The following SNX29 variants were observed in gnomAD, a reference collection of about 807,000 sequenced individuals.
SNX29 encodes sorting nexin 29.
Under a neutral mutation model 102.1 loss-of-function variants are expected in SNX29, and 78 were observed. The ratio of observed to expected loss-of-function variants is 0.76; its 90% CI spans 0.64 to 0.92. SNX29 has a LOEUF of 0.92. SNX29 is among the 40% of genes least tolerant of loss of function. The pLI is 0.00. For missense variants in SNX29, 1,280 were observed against 1,061.7 expected, an observed-to-expected ratio of 1.21 and a Z score of -2.86; for synonymous variants, 580 against 414.5, an observed-to-expected ratio of 1.40 and a Z score of -4.85.
At chr16:12,239,095 A>C (rs1433725030) in intron 14 of SNX29, among the ~76,000 whole-genome samples, 2 of 152,190 alleles carry the variant, frequency 1.3e-5, no homozygotes, top group East Asian at 3.9e-4. Context: ...CTTTGATGGA[A>C]GGGGCGTGTG....
rs2050310499 is a variant in SNX29, at chr16:12,051,701, T to G, written c.749-146T>G. Reference sequence around the variant, plus strand: ...CAATCTTCTGTACACAGATTTTCACTGAGGATTTTAAAAAGTCTGAATTCA... The same window carrying G: ...CAATCTTCTGTACACAGATTTTCACGGAGGATTTTAAAAAGTCTGAATTCA... On this transcript the variant is annotated intron_variant, in intron 7 of 20. Transcript: ENST00000566228. 2.5e-6 allele frequency: 3 copies of G among 1,221,944 alleles called. No individual in the cohort carries two copies. In the South Asian group the frequency reaches 4.9e-5, roughly 20 times the overall value. 75.7% of individuals were successfully genotyped at this position (1,221,944 alleles called of 1,614,324 possible).
At chr16:12,459,762 G>C (rs2086698774) in intron 18 of SNX29, among the ~76,000 whole-genome samples, 2 of 152,156 alleles carry the variant, frequency 1.3e-5, no homozygotes, top group Admixed American at 1.3e-4. Context: ...TCTGGTCACT[G>C]GTCCTGCCCC....
chr16:12,117,864 G>A (rs1309387121), intron 11 of SNX29, among the ~76,000 whole-genome samples: 1 of 152,138 alleles, frequency 6.6e-6, no homozygotes, highest in East Asian at 1.9e-4. Context: ...GAGAGGCTGA[G>A]GCGGGCGGAT....
At chr16:12,027,277 T>C in intron 3 of SNX29, 43 bp from the exon 4 acceptor site, 1 of 1,609,464 alleles carries the variant, frequency 6.2e-7, no homozygotes. Context: ...TAGTTGCTAC[T>C]CCCTTTTCTG....
chr16:12,330,256 C>A (rs1439781322), intron 15 of SNX29, among the ~76,000 whole-genome samples: 2 of 152,148 alleles, frequency 1.3e-5, no homozygotes, highest in African/African-American at 4.8e-5. Context: ...GTGCCTGTTT[C>A]CTCACCTGGC....
intron 18 of SNX29, among the ~76,000 whole-genome samples, chr16:12,410,198 G>A (rs889924398): frequency 6.6e-6 from 1 of 152,152 alleles, no homozygotes; most frequent in Non-Finnish European, 1.5e-5. Context: ...GTTTCGCTGT[G>A]TTAGCCAGGG....
intron 13 of SNX29, among the ~76,000 whole-genome samples, chr16:12,192,028 C>T (rs951114258): frequency 2.0e-5 from 3 of 152,168 alleles, no homozygotes; most frequent in African/African-American, 7.2e-5. Flanking sequence ...TGTTTTGATG[C>T]CTGAGAATTA....
chr16:12,513,132 G>A (rs2089706993), intron 19 of SNX29, among the ~76,000 whole-genome samples: 1 of 149,838 alleles, frequency 6.7e-6, no homozygotes, highest in African/African-American at 2.5e-5. Context: ...CTCTGACCCT[G>A]CCCTCCCTCA....
chr16:11,995,646 TAAA>T (rs533184003), intron 1 of SNX29, among the ~76,000 whole-genome samples: 2 of 125,166 alleles, frequency 1.6e-5, no homozygotes, highest in Non-Finnish European at 1.7e-5. Flanking sequence ...AAAATACTCT[TAAA>T]AAAAAAAAAA....
At position 12,524,825 on chromosome 16, in the gene SNX29, C is replaced by G; in HGVS notation, c.2302C>G (p.Leu768Val). The G allele has an allele frequency of 6.2e-7, 1 of 1,613,626 alleles. No individual in the cohort carries two copies. ...CCCCAAGAAGGAGACCCTCATCCAG[C>G]TGATGCCCTTCTTCGTGTAAGTACT... ...ASPKKETLIQ[L>V]MPFFVDITPP... Residue 768 changes from leucine (L) to valine (V), a missense_variant, in exon 20 of 21, where the codon CTG becomes GTG. Coordinates refer to ENST00000566228, the MANE Select transcript of SNX29 (RefSeq NM_032167.5).
chr16:12,288,001 T>C lies in SNX29; in HGVS notation c.1782+9965T>C, dbSNP rs2079654915. Among the ~76,000 whole-genome samples the C allele has an allele frequency of 2.0e-5, 3 of 152,166 alleles. No homozygotes were observed. In the South Asian group the frequency reaches 6.2e-4, roughly 32 times the overall value. ...GATATTGATGTCACAGCCTGGGCAA[T>C]GTAGTGAGACCCTGTAATTACAAAA... On this transcript the variant is annotated intron_variant, in intron 15 of 20. Transcript: ENST00000566228.
chr16:12,185,465 G>C (rs2076487686), intron 13 of SNX29, among the ~76,000 whole-genome samples: 1 of 152,136 alleles, frequency 6.6e-6, no homozygotes, highest in South Asian at 2.1e-4. Context: ...CCTCCTCTCT[G>C]TCTTCCTCCT....
chr16:12,099,592 C>T (rs1179906221), intron 11 of SNX29, among the ~76,000 whole-genome samples: 4 of 152,184 alleles, frequency 2.6e-5, no homozygotes, highest in Non-Finnish European at 5.9e-5. Flanking sequence ...CTGGCCCGGA[C>T]TCCCGGTGAG....
At chr16:12,466,808 C>A (rs371623384) in intron 18 of SNX29, among the ~76,000 whole-genome samples, 2 of 152,196 alleles carry the variant, frequency 1.3e-5, no homozygotes, top group Non-Finnish European at 2.9e-5. Flanking sequence ...CGGTGGGCTC[C>A]GAGGGGATTG....
chr16:12,135,667 G>A, intron 13 of SNX29: 1 of 1,267,214 alleles, frequency 7.9e-7, no homozygotes, highest in Non-Finnish European at 1.0e-6. Context: ...CCTGGATCCA[G>A]TCTTTCCTGA....
intron 18 of SNX29, chr16:12,443,457 A>T (rs1254210202): frequency 6.5e-6 from 1 of 153,432 alleles, no homozygotes; most frequent in Non-Finnish European, 1.5e-5. Context: ...TAAGAGGAGC[A>T]TGGCTTTTTT....
intron 19 of SNX29, among the ~76,000 whole-genome samples, chr16:12,480,949 C>A (rs1001392093): frequency 6.6e-6 from 1 of 152,140 alleles, no homozygotes; most frequent in Admixed American, 6.5e-5. Flanking sequence ...TGTGTCAACT[C>A]ACTACAACCT....
intron 13 of SNX29, among the ~76,000 whole-genome samples, chr16:12,185,168 G>A (rs2076480046): frequency 6.6e-6 from 1 of 152,148 alleles, no homozygotes; most frequent in South Asian, 2.1e-4. Flanking sequence ...TATGCAGTAG[G>A]GGGTCTCAAA....
intron 20 of SNX29, among the ~76,000 whole-genome samples, chr16:12,544,655 C>G (rs922290961): frequency 9.8e-5 from 15 of 152,332 alleles, no homozygotes; most frequent in Middle Eastern, 3.4e-3. Context: ...AGACTGTTTA[C>G]TTCTCATGAA....
Sources: allele counts gnomAD v4.1 joint callset (sites outside exome capture counted in the v4.1 genomes callset), GRCh38; gene constraint gnomAD v4.1.1; transcripts MANE v1.5; gene names NCBI Gene and HGNC (gene_info 2026-07-23, HGNC 2026-07-21).